Variants in AGBL4 observed in about 807,000 individuals in gnomAD.
AGBL4 encodes the protein cytosolic carboxypeptidase 6.
AGBL4 carries 58 observed loss-of-function variants against 66.4 expected under a neutral mutation model. The ratio of observed to expected loss-of-function variants is 0.87; its 90% CI spans 0.71 to 1.09. The LOEUF (loss-of-function observed/expected upper bound fraction) is 1.09. AGBL4 is among the 50% of genes least tolerant of loss of function. The probability of loss-of-function intolerance (pLI) is 0.00; values close to 1 mark genes in which losing one functional copy is unlikely to be tolerated. For synonymous variants in AGBL4, 234 were observed against 222.9 expected (o/e 1.05, Z -0.44); for missense variants, 579 against 631.0 (o/e 0.92, Z 0.88).
At chr1:49,667,489 T>A (rs914050336) in intron 3 of AGBL4, among the ~76,000 whole-genome samples, 2 of 152,044 alleles carry the variant, frequency 1.3e-5, no homozygotes, top group African/African-American at 4.8e-5. Context: ...TGTAGATTTA[T>A]CTTTAAAATA....
intron 3 of AGBL4, among the ~76,000 whole-genome samples, chr1:49,530,358 G>A (rs1455404329): frequency 3.4e-5 from 5 of 148,798 alleles, no homozygotes; most frequent in Non-Finnish European, 7.4e-5. Flanking sequence ...TGTTACATAC[G>A]TATACATGTG....
intron 5 of AGBL4, among the ~76,000 whole-genome samples, chr1:48,900,494 T>C (rs956065186): frequency 6.6e-6 from 1 of 152,200 alleles, no homozygotes; most frequent in Non-Finnish European, 1.5e-5. Context: ...AGACTTATTA[T>C]AAACCTACAG....
intron 5 of AGBL4, among the ~76,000 whole-genome samples, chr1:48,917,781 CA>C (rs2148888464): frequency 6.6e-6 from 1 of 152,312 alleles, no homozygotes; most frequent in South Asian, 2.1e-4. Flanking sequence ...AGCTAGTACA[CA>C]AGTAGCAAAA....
intron 3 of AGBL4, among the ~76,000 whole-genome samples, chr1:49,623,005 GA>G (rs1190693210): frequency 1.3e-5 from 2 of 151,934 alleles, no homozygotes; most frequent in Admixed American, 1.3e-4. Context: ...AGATTCGCAG[GA>G]AAAAACCACA....
rs563002486 is a variant in AGBL4, at chr1:49,466,881, G to A, written c.283-221017C>T. 1.5e-4 allele frequency among the ~76,000 whole-genome samples: 23 copies of A among 151,942 alleles called. No homozygotes were observed. The South Asian group carries it at 4.6e-3, about 30-fold the overall frequency. On this transcript the variant is annotated intron_variant, in intron 3 of 13. Transcript: ENST00000371839. ...CATGCACACCCTTGTGATGGGCAAA[G>A]ATGAATCATCCAGAGATAGTGTGCA...
At chr1:49,481,466 T>A (rs951087325) in intron 3 of AGBL4, among the ~76,000 whole-genome samples, 1 of 152,130 alleles carries the variant, frequency 6.6e-6, no homozygotes, top group African/African-American at 2.4e-5. Flanking sequence ...TGCTAGTGAC[T>A]TTTGCACATT....
At chr1:49,436,895 A>T (rs1289530095) in intron 3 of AGBL4, among the ~76,000 whole-genome samples, 2 of 152,206 alleles carry the variant, frequency 1.3e-5, no homozygotes, top group Non-Finnish European at 2.9e-5. Flanking sequence ...TATAAATAGA[A>T]ACTGTGAATT....
At position 49,407,065 on chromosome 1, in the gene AGBL4, C is replaced by CAA. The variant is rs57974289; in HGVS notation, c.283-161203_283-161202dup. On this transcript the variant is annotated intron_variant, in intron 3 of 13. Coordinates refer to ENST00000371839, the MANE Select transcript of AGBL4 (RefSeq NM_032785.4). ...GGGCGACAGAGTGAGACTCTGCCTCCAAAAAAAAAAAAAAAAAAAAAAAAA... is the reference window on the plus strand; with the variant it reads ...GGGCGACAGAGTGAGACTCTGCCTCCAAAAAAAAAAAAAAAAAAAAAAAAAAA... 3.6e-3 allele frequency among the ~76,000 whole-genome samples: 94 copies of CAA among 25,864 alleles called. 7 individuals carry two copies. Among genetic ancestry groups the CAA allele is most frequent in the Middle Eastern group, 0.02 (1 of 50 alleles). The allele number at this position is 25,864 out of a possible 152,430, so 17.0% of individuals were successfully genotyped here.
In AGBL4 at chr1:49,407,065, CAAAAAA is replaced by C. The variant is rs57974289; in HGVS notation, c.283-161207_283-161202del. On this transcript the variant is annotated intron_variant, in intron 3 of 13. Transcript: ENST00000371839. ...GGGCGACAGAGTGAGACTCTGCCTC[CAAAAAA>C]AAAAAAAAAAAAAAAAAAAAGAAAG... is the stretch of plus-strand genomic sequence containing the variant. Among the ~76,000 whole-genome samples, 8 of 25,926 alleles carry C rather than the reference CAAAAAA, an allele frequency of 3.1e-4. No individual in the cohort carries two copies. The East Asian group carries it at 6.0e-3, about 19-fold the overall frequency. The allele number at this position is 25,926 out of a possible 152,430, so 17.0% of individuals were successfully genotyped here.
At chr1:49,900,375 A>G (rs1649650151) in intron 1 of AGBL4, among the ~76,000 whole-genome samples, 1 of 151,908 alleles carries the variant, frequency 6.6e-6, no homozygotes, top group South Asian at 2.1e-4. Context: ...CCTCCTGAGT[A>G]GCTGGGATTA....
intron 1 of AGBL4, among the ~76,000 whole-genome samples, chr1:49,969,860 T>C (rs1657902190): frequency 6.6e-6 from 1 of 152,142 alleles, no homozygotes; most frequent in African/African-American, 2.4e-5. Context: ...TTTGAAGCTG[T>C]CATAGTCAAA....
intron 5 of AGBL4, among the ~76,000 whole-genome samples, chr1:48,953,408 T>G (rs191395862): frequency 6.6e-6 from 1 of 152,326 alleles, no homozygotes; most frequent in East Asian, 1.9e-4. Context: ...GCCTAGGCCT[T>G]ACAACTTGCT....
intron 2 of AGBL4, among the ~76,000 whole-genome samples, chr1:49,762,317 A>G (rs1652385613): frequency 6.6e-6 from 1 of 151,792 alleles, no homozygotes; most frequent in Non-Finnish European, 1.5e-5. Context: ...CATTTTCCTA[A>G]TGATTAGTGA....
At chr1:49,556,711 C>T (rs1643907220) in intron 3 of AGBL4, among the ~76,000 whole-genome samples, 1 of 152,008 alleles carries the variant, frequency 6.6e-6, no homozygotes, top group East Asian at 1.9e-4. Context: ...GGTGCCGGCA[C>T]TCTTCAGCCC....
intron 6 of AGBL4, among the ~76,000 whole-genome samples, chr1:48,808,493 C>A (rs1367019710): frequency 6.6e-6 from 1 of 152,150 alleles, no homozygotes; most frequent in Non-Finnish European, 1.5e-5. Flanking sequence ...TTAAATGTCC[C>A]TGATGAGGCA....
intron 5 of AGBL4, among the ~76,000 whole-genome samples, chr1:48,976,381 A>T (rs888292381): frequency 6.6e-6 from 1 of 152,128 alleles, no homozygotes; most frequent in African/African-American, 2.4e-5. Context: ...TGATTCTCTG[A>T]TATGGTACCA....
chr1:49,647,785 C>G (rs1438122187), intron 3 of AGBL4, among the ~76,000 whole-genome samples: 1 of 151,394 alleles, frequency 6.6e-6, no homozygotes, highest in African/African-American at 2.4e-5. Context: ...TCTAGACCTT[C>G]TTCCTGACCC....
At chr1:48,996,817 C>CCCCTCCTT (rs1553137068) in intron 5 of AGBL4, among the ~76,000 whole-genome samples, 107 of 147,866 alleles carry the variant, frequency 7.2e-4, no homozygotes, top group African/African-American at 2.7e-3. Context: ...CTTCCTTCCT[C>CCCCTCCTT]CCTTCCTTCC....
chr1:49,727,359 G>T (rs1649109534), intron 2 of AGBL4, among the ~76,000 whole-genome samples: 1 of 151,860 alleles, frequency 6.6e-6, no homozygotes, highest in Admixed American at 6.6e-5. Context: ...GAGAGAAAAA[G>T]TGCATAACAA....
Sources: allele counts gnomAD v4.1 joint callset (sites outside exome capture counted in the v4.1 genomes callset), GRCh38; gene constraint gnomAD v4.1.1; transcripts MANE v1.5; gene names NCBI Gene and HGNC (gene_info 2026-07-23, HGNC 2026-07-21).